ACYP1: variants seen among roughly 807,000 people sequenced by gnomAD.
ACYP1 encodes the protein acylphosphatase-1.
ACYP1 carries 8 observed loss-of-function variants against 10.4 expected under a neutral mutation model. The observed-to-expected ratio is 0.77, with a 90% CI of 0.45 to 1.38. The LOEUF (loss-of-function observed/expected upper bound fraction) is 1.38. ACYP1 is among the 40% of genes most tolerant of loss of function. ACYP1 has a pLI of 0.00. For missense variants in ACYP1, 93 were observed against 117.3 expected, an observed-to-expected ratio of 0.79 and a Z score of 0.96; for synonymous variants, 38 against 40.8, an observed-to-expected ratio of 0.93 and a Z score of 0.26.
At chr14:75,064,356 C>G (rs1234564196), upstream of ACYP1, 1 of 152,258 alleles carries the variant, frequency 6.6e-6, no homozygotes, top group Non-Finnish European at 1.5e-5. Context: ...CTACTGTGTG[C>G]CAGGCACCTG....
At chr14:75,066,923 G>A (rs1470738503), upstream of ACYP1, among the ~76,000 whole-genome samples, 1 of 152,204 alleles carries the variant, frequency 6.6e-6, no homozygotes, top group Admixed American at 6.6e-5. Flanking sequence ...AGGGAAGCAT[G>A]GAAGACTGAT....
chr14:75,059,679 T>A (rs1403702532), intron 2 of ACYP1, among the ~76,000 whole-genome samples: 1 of 152,138 alleles, frequency 6.6e-6, no homozygotes. Flanking sequence ...AATATGCCAA[T>A]AAGCACATGA....
At chr14:75,063,285 A>G in intron 2 of ACYP1, 185 bp downstream of exon 2, 1 of 587,240 alleles carries the variant, frequency 1.7e-6, no homozygotes, top group Non-Finnish European at 3.1e-6. Flanking sequence ...CAGCAGGGTG[A>G]TCTTCCATTT....
chr14:75,068,894 G>C (rs1002775717), upstream of ACYP1, among the ~76,000 whole-genome samples: 13 of 152,178 alleles, frequency 8.5e-5, no homozygotes, highest in Non-Finnish European at 1.6e-4. Flanking sequence ...GGCTTACACA[G>C]ATGAACTGAA....
chr14:75,068,491 AGAG>A (rs898213238), upstream of ACYP1, among the ~76,000 whole-genome samples: 5 of 152,016 alleles, frequency 3.3e-5, no homozygotes, highest in African/African-American at 9.7e-5. Flanking sequence ...GGAGAGAGAG[AGAG>A]GAGAGAGGGA....
exon 1 of ACYP1, chr14:75,069,471 G>A (rs1594800694): frequency 1.9e-6 from 1 of 513,150 alleles, no homozygotes; most frequent in South Asian, 3.1e-5. Context: ...CCGAGCTGCA[G>A]AGTTGGCCGG....
At chr14:75,065,964 A>G (rs548060659), upstream of ACYP1, among the ~76,000 whole-genome samples, 38 of 152,354 alleles carry the variant, frequency 2.5e-4, 1 homozygote, top group Middle Eastern at 6.8e-3. Context: ...AAGAAGTACA[A>G]GTAGCCAGTT....
intron 2 of ACYP1, among the ~76,000 whole-genome samples, chr14:75,059,304 G>C (rs1397639932): frequency 1.3e-5 from 2 of 151,720 alleles, no homozygotes; most frequent in Non-Finnish European, 2.9e-5. Context: ...GTCAGGATCA[G>C]CCAGGCAACA....
exon 1 of ACYP1, chr14:75,069,363 C>G (rs1217867112): frequency 8.3e-7 from 1 of 1,198,918 alleles, no homozygotes; most frequent in Non-Finnish European, 1.1e-6. Context: ...ACCCCAAGGT[C>G]TGGGAGCGTC....
chr14:75,067,779 A>G (rs1384941065), upstream of ACYP1, among the ~76,000 whole-genome samples: 1 of 150,798 alleles, frequency 6.6e-6, no homozygotes, highest in Non-Finnish European at 1.5e-5. Context: ...ATCTCTTTTG[A>G]CTCCAGGGGT....
chr14:75,065,067 G>A (rs1893120141), upstream of ACYP1, among the ~76,000 whole-genome samples: 2 of 152,324 alleles, frequency 1.3e-5, no homozygotes, highest in South Asian at 4.1e-4. Context: ...TAAGCCAAAT[G>A]GCCAAACTAC....
At chr14:75,068,199 G>A (rs1470608048), upstream of ACYP1, among the ~76,000 whole-genome samples, 1 of 151,870 alleles carries the variant, frequency 6.6e-6, no homozygotes, top group Non-Finnish European at 1.5e-5. Context: ...GCTGAGGCAG[G>A]AGAATCACTT....
chr14:75,056,358 T>C (rs1180650460), intron 2 of ACYP1, among the ~76,000 whole-genome samples: 1 of 151,418 alleles, frequency 6.6e-6, no homozygotes, highest in Non-Finnish European at 1.5e-5. Flanking sequence ...AAATGAAAAA[T>C]AAGTGTCTCA....
In ACYP1 at chr14:75,053,780, G is replaced by GA. The variant is rs1276717655; in HGVS notation, c.85-122dup. On this transcript the variant is annotated intron_variant, in intron 2 of 2. Transcript: ENST00000238618. ...ACTGAAACTAATTTGATATTGCCCAGAACAGTCAAAAGAAAGACAGCAAGA... is the reference window on the plus strand; with the variant it reads ...ACTGAAACTAATTTGATATTGCCCAGAAACAGTCAAAAGAAAGACAGCAAGA... 3 of 847,710 alleles carry GA rather than the reference G, an allele frequency of 3.5e-6. No homozygotes were observed. In the African/African-American group the frequency reaches 5.1e-5, roughly 14 times the overall value. The allele number at this position is 847,710 out of a possible 1,614,324, so 52.5% of individuals were successfully genotyped here. A position where few individuals can be genotyped will look rare whatever the true frequency, so the allele number is the denominator to read the frequency against.
intron 2 of ACYP1, chr14:75,060,084 T>G (rs1423825012): frequency 4.9e-5 from 24 of 485,810 alleles, no homozygotes; most frequent in Non-Finnish European, 6.6e-5. Flanking sequence ...TTAAAAATGG[T>G]TAGAACAATA....
intron 2 of ACYP1, chr14:75,063,173 T>C (rs895352389): frequency 1.1e-5 from 4 of 373,286 alleles, no homozygotes; most frequent in African/African-American, 4.1e-5. Flanking sequence ...GGTTTGATGA[T>C]GCCACAACGG....
chr14:75,067,182 T>TACACACACACACAC (rs60274425), upstream of ACYP1, among the ~76,000 whole-genome samples: 1 of 147,252 alleles, frequency 6.8e-6, no homozygotes, highest in South Asian at 2.2e-4. Flanking sequence ...TGTCTGGAAC[T>TACACACACACACAC]ACACACACAC....
upstream of ACYP1, chr14:75,064,217 C>A (rs183218762): frequency 3.2e-3 from 513 of 158,870 alleles, 5 homozygotes; most frequent in African/African-American, 0.012. Context: ...TGGGCCTCCA[C>A]AAACCTAGCC....
chr14:75,056,046 A>C (rs1388605908), intron 2 of ACYP1, among the ~76,000 whole-genome samples: 2 of 151,512 alleles, frequency 1.3e-5, no homozygotes, highest in Admixed American at 1.3e-4. Context: ...AATACCTAGA[A>C]AGACAAACAA....
Sources: allele counts gnomAD v4.1 joint callset (sites outside exome capture counted in the v4.1 genomes callset), GRCh38; gene constraint gnomAD v4.1.1; transcripts MANE v1.5; gene names NCBI Gene and HGNC (gene_info 2026-07-23, HGNC 2026-07-21).